The following DMD variants were observed in gnomAD, a reference collection of about 807,000 sequenced individuals.
The protein encoded by DMD is mutant dystrophin.
Under a neutral mutation model 330.1 loss-of-function variants are expected in DMD, and 63 were observed. That is an observed-to-expected ratio of 0.19 (90% CI 0.16 to 0.24). The LOEUF is 0.24. DMD is among the 10% of genes least tolerant of loss of function. DMD has a pLI of 1.00. For missense variants in DMD, 3,344 were observed against 2,684.1 expected, an observed-to-expected ratio of 1.25 and a Z score of -5.43; for synonymous variants, 1,223 against 959.8, an observed-to-expected ratio of 1.27 and a Z score of -5.07.
At chrX:32,099,487 C>T (rs1023302603) in intron 44 of DMD, among the ~76,000 whole-genome samples, 1 of 109,772 alleles carries the variant, frequency 9.1e-6, no homozygotes, top group Non-Finnish European at 1.9e-5. Flanking sequence ...GACTTGGAAC[C>T]AACCCAAATG....
intron 1 of DMD, among the ~76,000 whole-genome samples, chrX:33,305,275 G>A (rs1246894887): frequency 9.4e-6 from 1 of 106,657 alleles, no homozygotes; most frequent in Non-Finnish European, 1.9e-5. Flanking sequence ...TAGGGACATG[G>A]ATGAAATTGG....
chrX:32,952,386 C>T (rs1225144636), intron 2 of DMD, among the ~76,000 whole-genome samples: 2 of 111,427 alleles, frequency 1.8e-5, no homozygotes, highest in African/African-American at 6.5e-5. Flanking sequence ...CCCGCCTCTG[C>T]TTCCCAAAGT....
chrX:32,935,212 T>A (rs1182218410), intron 2 of DMD, among the ~76,000 whole-genome samples: 2 of 112,684 alleles, frequency 1.8e-5, no homozygotes, highest in Non-Finnish European at 3.8e-5. Context: ...TCTGCTGACC[T>A]CATGATCCGC....
chrX:31,944,662 G>GC (rs1214548529), intron 45 of DMD, among the ~76,000 whole-genome samples: 1 of 85,760 alleles, frequency 1.2e-5, no homozygotes, highest in Non-Finnish European at 2.3e-5. Flanking sequence ...GTTTTGTTCT[G>GC]CTTTTTTTTT....
chrX:31,589,399 G>A (rs1019368240), intron 55 of DMD, among the ~76,000 whole-genome samples: 21 of 111,266 alleles, frequency 1.9e-4, no homozygotes, highest in African/African-American at 6.5e-4. Flanking sequence ...GACTTATTGG[G>A]GGTCCTATTT....
At chrX:32,189,986 C>T (rs1181568157) in intron 44 of DMD, among the ~76,000 whole-genome samples, 1 of 110,792 alleles carries the variant, frequency 9.0e-6, no homozygotes, top group Non-Finnish European at 1.9e-5. Context: ...TGTAAACATA[C>T]CAGCTTTCTT....
At chrX:31,404,078 A>G (rs1239966584) in intron 60 of DMD, among the ~76,000 whole-genome samples, 1 of 110,207 alleles carries the variant, frequency 9.1e-6, no homozygotes, top group Non-Finnish European at 1.9e-5. Context: ...TTCTTTATTG[A>G]CATACATACG....
intron 3 of DMD, among the ~76,000 whole-genome samples, chrX:32,846,861 G>C (rs1257388166): frequency 9.2e-6 from 1 of 109,031 alleles, no homozygotes; most frequent in African/African-American, 3.3e-5. Flanking sequence ...ACAAAACTTA[G>C]CCAGGCATGA....
In DMD at chrX:31,522,297, AAG is replaced by A. The variant is rs1310221050; in HGVS notation, c.8218-14846_8218-14845del. 5.3e-5 allele frequency among the ~76,000 whole-genome samples: 5 copies of A among 93,533 alleles called. No individual in the cohort carries two copies. In the East Asian group the frequency reaches 1.8e-3, roughly 34 times the overall value. 81.2% of individuals were successfully genotyped at this position (93,533 alleles called of 115,157 possible). A position where few individuals can be genotyped will look rare whatever the true frequency, so the allele number is the denominator to read the frequency against. Reference sequence around the variant, plus strand: ...GGAAGAGGGGAAGACCCATGGCGGGAAGAGAGACAGAGTGGTAAGATCAAAAT... The same window carrying A: ...GGAAGAGGGGAAGACCCATGGCGGGAAGAGACAGAGTGGTAAGATCAAAAT... On this transcript the variant is annotated intron_variant, in intron 55 of 78. Transcript: ENST00000357033.
At chrX:31,861,586 A>G (rs1339871677) in intron 48 of DMD, among the ~76,000 whole-genome samples, 1 of 81,168 alleles carries the variant, frequency 1.2e-5, no homozygotes, top group Non-Finnish European at 2.6e-5. Flanking sequence ...TGCAACTGTA[A>G]AAAAAAAAAA....
intron 48 of DMD, among the ~76,000 whole-genome samples, chrX:31,862,132 AATT>A (rs1042728833): frequency 9.1e-6 from 1 of 109,555 alleles, no homozygotes; most frequent in Non-Finnish European, 1.9e-5. Flanking sequence ...AAATAAACAA[AATT>A]ATTATTATTA....
rs2147557161 is a variant in DMD at position 32,386,314 on chromosome X, G to C, written c.4670C>G (p.Ala1557Gly). Residue 1557 changes from alanine to glycine, a missense_variant, in exon 33 of 79, where the codon GCA becomes GGA. Coordinates refer to ENST00000357033, the MANE Select transcript of DMD (RefSeq NM_004006.3). ...GTGGTCTCAGCATGCACACACCTTT[G>C]CTCCCAGCTCATTATAATGCAATTT... ...ALKLHYNELG[A>G]KVTERKQQLE... 2 of 1,208,398 alleles carry C rather than the reference G, an allele frequency of 1.7e-6. No individual in the cohort carries two copies. The highest frequency in any genetic ancestry group is 5.9e-5 in the East Asian group (2 of 33,727).
At chrX:32,949,759 A>G (rs1827618610) in intron 2 of DMD, among the ~76,000 whole-genome samples, 1 of 111,436 alleles carries the variant, frequency 9.0e-6, no homozygotes, top group African/African-American at 3.3e-5. Flanking sequence ...CAAGCTTTGG[A>G]TGAATTTGTA....
chrX:33,219,291 A>G (rs1370038063), intron 1 of DMD, among the ~76,000 whole-genome samples: 13 of 90,601 alleles, frequency 1.4e-4, no homozygotes, highest in Non-Finnish European at 2.5e-4. Flanking sequence ...TCTATGGTTG[A>G]TACTTTAGAG....
intron 30 of DMD, among the ~76,000 whole-genome samples, chrX:32,399,063 G>C (rs1472529389): frequency 8.9e-6 from 1 of 111,775 alleles, no homozygotes; most frequent in Non-Finnish European, 1.9e-5. Context: ...CCTCTATCTT[G>C]AACCGTATAC....
At chrX:32,119,124 G>A (rs1165193576) in intron 44 of DMD, among the ~76,000 whole-genome samples, 2 of 110,476 alleles carry the variant, frequency 1.8e-5, no homozygotes, top group African/African-American at 3.3e-5. Flanking sequence ...GAGGTCAGGC[G>A]TTTGAGATCA....
At chrX:31,132,515 T>C (rs2034648442) in intron 77 of DMD, among the ~76,000 whole-genome samples, 1 of 111,413 alleles carries the variant, frequency 9.0e-6, no homozygotes, top group South Asian at 3.8e-4. Flanking sequence ...ATGCCCAGGG[T>C]GCCAACAGGG....
chrX:33,184,023 T>C (rs965182626), intron 1 of DMD, among the ~76,000 whole-genome samples: 4 of 111,425 alleles, frequency 3.6e-5, no homozygotes, highest in African/African-American at 1.3e-4. Flanking sequence ...TTTTGATAGT[T>C]AAAAGGGAGC....
chrX:32,739,299 ATTTAGAACATGTGGCCAAGTCT>A (rs2068925812), intron 7 of DMD, among the ~76,000 whole-genome samples: 1 of 111,927 alleles, frequency 8.9e-6, no homozygotes, highest in African/African-American at 3.3e-5. Flanking sequence ...AGTGATTTAA[ATTTAGAACATGTGGCCAAGTCT>A]TTTACCCTAA....
Sources: allele counts gnomAD v4.1 joint callset (sites outside exome capture counted in the v4.1 genomes callset), GRCh38; gene constraint gnomAD v4.1.1; transcripts MANE v1.5; gene names NCBI Gene and HGNC (gene_info 2026-07-23, HGNC 2026-07-21).